ZSCAN25: variants seen among roughly 807,000 people sequenced by gnomAD.
ZSCAN25 encodes the protein zinc finger and SCAN domain containing 25, also known as zinc finger and SCAN domain-containing protein 25.
A neutral mutation model predicts 38.7 loss-of-function variants in ZSCAN25; 27 were observed. That is an observed-to-expected ratio of 0.70 (90% CI 0.51 to 0.96). The LOEUF is 0.96. Ranked by LOEUF, ZSCAN25 falls within the 40% of genes least tolerant of loss-of-function variation. The pLI is 0.00. For missense variants in ZSCAN25, 637 were observed against 705.9 expected (o/e 0.90, Z 1.11); for synonymous variants, 273 against 277.7 (o/e 0.98, Z 0.17).
chr7:99,697,991 A>G, the ZSCAN25 span, among the ~76,000 whole-genome samples: 2 of 152,214 alleles, frequency 1.3e-5, no homozygotes, highest in African/African-American at 4.8e-5. Context: ...CCCCAAGGAA[A>G]GATCTAGGTG....
the ZSCAN25 span, chr7:99,717,569 C>T: frequency 3.1e-6 from 5 of 1,613,682 alleles, no homozygotes; most frequent in Non-Finnish European, 4.2e-6. Flanking sequence ...CAGCAATGAT[C>T]GTATTCTCTT....
chr7:99,686,275 A>G, the ZSCAN25 span, among the ~76,000 whole-genome samples: 1 of 152,342 alleles, frequency 6.6e-6, no homozygotes, highest in East Asian at 1.9e-4. Context: ...GGGGTGACAG[A>G]CAGCACCTGG....
Position 99,629,509 on chromosome 7 carries a change from A to T in ZSCAN25, c.1124A>T (p.Tyr375Phe). The change falls in exon 8 of 8, where the codon TAT (tyrosine) becomes TTT (phenylalanine). Residue 375 changes from tyrosine (Y) to phenylalanine (F), a missense_variant. Tyr to Phe is a conservative substitution (Grantham distance 22). Transcript: ENST00000394152. This position sits in a 1 kb window ranked among gnomAD's most constrained non-coding sequence, Gnocchi z 5.6. ...RHQRTHEEKS[Y>F]GCVECGKGFT... Reference sequence around the variant, plus strand: ...CAGCGAACCCACGAAGAGAAGTCTTATGGCTGTGTGGAGTGTGGGAAGGGC... The same window carrying T: ...CAGCGAACCCACGAAGAGAAGTCTTTTGGCTGTGTGGAGTGTGGGAAGGGC... 2 of 1,614,226 alleles carry T rather than the reference A, an allele frequency of 1.2e-6. No individual in the cohort carries two copies. Among genetic ancestry groups the T allele is most frequent in the African/African-American group, 1.3e-5 (1 of 75,048 alleles).
chr7:99,689,936 T>C, the ZSCAN25 span, among the ~76,000 whole-genome samples: 2 of 152,282 alleles, frequency 1.3e-5, no homozygotes, highest in East Asian at 1.9e-4. Context: ...CTTCACAGAA[T>C]TGGAAAAAAC....
the ZSCAN25 span, chr7:99,648,136 T>C: frequency 2.2e-6 from 3 of 1,358,644 alleles, no homozygotes; most frequent in African/African-American, 1.5e-5. Flanking sequence ...TGCACAACAC[T>C]CTACACAGAC....
chr7:99,706,222 C>T, the ZSCAN25 span, among the ~76,000 whole-genome samples: 1 of 152,226 alleles, frequency 6.6e-6, no homozygotes, highest in Non-Finnish European at 1.5e-5. Flanking sequence ...TATTGAGACA[C>T]TCCTTCAGTG....
chr7:99,617,118 C>G (rs1806529627), intron 1 of ZSCAN25, 102 bp downstream of exon 1: 1 of 152,126 alleles, frequency 6.6e-6, no homozygotes, highest in Non-Finnish European at 1.5e-5. Context: ...AGCGGGGTTG[C>G]AGTAGAGCCC....
chr7:99,661,829 A>G, the ZSCAN25 span, among the ~76,000 whole-genome samples: 1 of 152,208 alleles, frequency 6.6e-6, no homozygotes, highest in Non-Finnish European at 1.5e-5. Flanking sequence ...TAAAGTTGGG[A>G]GCTCTGCTGT....
chr7:99,626,768 A>T (rs569757607), intron 7 of ZSCAN25, among the ~76,000 whole-genome samples: 92 of 152,338 alleles, frequency 6.0e-4, no homozygotes, highest in Middle Eastern at 3.4e-3. Flanking sequence ...GAACCATTGC[A>T]TTCCTGCTCC....
the ZSCAN25 span, among the ~76,000 whole-genome samples, chr7:99,657,927 A>G: frequency 1.2e-4 from 18 of 151,750 alleles, no homozygotes; most frequent in East Asian, 3.9e-4. Flanking sequence ...TTTGTTGTCC[A>G]TTTGCTTGGT....
intron 7 of ZSCAN25, 55 bp downstream of exon 7, chr7:99,624,235 CAG>C (rs1271197787): frequency 1.9e-5 from 31 of 1,609,504 alleles, no homozygotes; most frequent in Non-Finnish European, 1.2e-5. Context: ...AAGCTCAGGT[CAG>C]GGGTCCTGCC....
the ZSCAN25 span, chr7:99,731,189 T>C: frequency 6.2e-6 from 10 of 1,612,136 alleles, no homozygotes; most frequent in Non-Finnish European, 7.6e-6. Context: ...TCAGGGATTG[T>C]GACTTTATAG....
At chr7:99,627,585 G>T (rs1450074179) in intron 7 of ZSCAN25, among the ~76,000 whole-genome samples, 1 of 152,084 alleles carries the variant, frequency 6.6e-6, no homozygotes, top group Non-Finnish European at 1.5e-5. Context: ...GAAACAATGT[G>T]TGAGACAATT....
At chr7:99,735,984 G>A in the ZSCAN25 span, among the ~76,000 whole-genome samples, 1 of 152,180 alleles carries the variant, frequency 6.6e-6, no homozygotes, top group Non-Finnish European at 1.5e-5. Flanking sequence ...TGCCTCAGCT[G>A]CTGTCTCTGC....
chr7:99,688,830 G>T, the ZSCAN25 span, among the ~76,000 whole-genome samples: 1 of 152,198 alleles, frequency 6.6e-6, no homozygotes, highest in Non-Finnish European at 1.5e-5. Flanking sequence ...TCAGACCACA[G>T]TGCAATCAAA....
the ZSCAN25 span, among the ~76,000 whole-genome samples, chr7:99,688,495 A>C: frequency 6.6e-6 from 1 of 152,236 alleles, no homozygotes; most frequent in Non-Finnish European, 1.5e-5. Context: ...GTATGCACCC[A>C]ATACAGGAGC....
the ZSCAN25 span, among the ~76,000 whole-genome samples, chr7:99,680,209 T>C: frequency 6.6e-6 from 1 of 152,116 alleles, no homozygotes; most frequent in Non-Finnish European, 1.5e-5. Flanking sequence ...TGGCATGAAA[T>C]CTATTAACCC....
chr7:99,667,985 A>G, the ZSCAN25 span, among the ~76,000 whole-genome samples: 5 of 152,242 alleles, frequency 3.3e-5, no homozygotes, highest in African/African-American at 7.2e-5. Flanking sequence ...TGGAAAGGAA[A>G]TAATAGAATT....
At chr7:99,617,271 G>C (rs1806548601) in intron 1 of ZSCAN25, among the ~76,000 whole-genome samples, 2 of 152,236 alleles carry the variant, frequency 1.3e-5, no homozygotes, top group African/African-American at 4.8e-5. Flanking sequence ...CGCTCTGCCA[G>C]GCTTGGCTTA....
Sources: gnomAD v4.1 joint callset for allele counts (sites outside exome capture counted in the v4.1 genomes callset) on GRCh38, gnomAD v4.1.1 for gene constraint, Gnocchi (gnomAD v3.1) non-coding constraint, MANE v1.5 for transcripts, NCBI Gene and HGNC (gene_info 2026-07-23, HGNC 2026-07-21) for gene names.